ABLIM1: variants seen among roughly 807,000 people sequenced by gnomAD.
ABLIM1 encodes actin-binding LIM protein 1.
A neutral mutation model predicts 107.0 loss-of-function variants in ABLIM1; 40 were observed. The ratio of observed to expected loss-of-function variants is 0.37; its 90% CI spans 0.29 to 0.49. The LOEUF (loss-of-function observed/expected upper bound fraction) is 0.49. Ranked by LOEUF, ABLIM1 falls within the 20% of genes least tolerant of loss-of-function variation. The probability of loss-of-function intolerance (pLI) is 0.97; values close to 1 mark genes in which losing one functional copy is unlikely to be tolerated. For missense variants in ABLIM1, 857 were observed against 1,008.5 expected (o/e 0.85, Z 2.04); for synonymous variants, 357 against 357.3 (o/e 1.00, Z 0.01).
chr10:114,623,036 T>G (rs922306649), intron 1 of ABLIM1, among the ~76,000 whole-genome samples: 1 of 152,212 alleles, frequency 6.6e-6, no homozygotes, highest in East Asian at 1.9e-4. Flanking sequence ...CTCAGCTCAC[T>G]GCAACCTCTG....
At chr10:114,507,128 CAGAA>C (rs775201913) in intron 6 of ABLIM1, among the ~76,000 whole-genome samples, 5 of 152,180 alleles carry the variant, frequency 3.3e-5, no homozygotes, top group Admixed American at 6.5e-5. Context: ...TTGGAGCAGT[CAGAA>C]AAACACAGCT....
intron 12 of ABLIM1, among the ~76,000 whole-genome samples, chr10:114,461,139 C>T (rs373702807): frequency 5.9e-4 from 90 of 151,882 alleles, no homozygotes; most frequent in Middle Eastern, 3.4e-3. Context: ...TCTCAGCTCA[C>T]TGCAACCTCC....
chr10:114,644,785 T>G (rs918416859), intron 1 of ABLIM1, among the ~76,000 whole-genome samples: 1 of 152,158 alleles, frequency 6.6e-6, no homozygotes, highest in Non-Finnish European at 1.5e-5. Context: ...CCTTAAAAGA[T>G]AAAGTTAGGC....
At chr10:114,605,888 A>G (rs73362837) in intron 1 of ABLIM1, among the ~76,000 whole-genome samples, 8,363 of 152,230 alleles carry the variant, frequency 0.055, 757 homozygotes, top group African/African-American at 0.19. Context: ...ACTCCAGTGC[A>G]GGACAGAAAG....
chr10:114,791,482 C>G, the ABLIM1 span, among the ~76,000 whole-genome samples: 73 of 151,872 alleles, frequency 4.8e-4, no homozygotes, highest in Non-Finnish European at 9.0e-4. Flanking sequence ...ACTAAAAATA[C>G]AAAAAATTAG....
At chr10:114,445,186 C>T in intron 16 of ABLIM1, 126 bp downstream of exon 16, 1 of 805,984 alleles carries the variant, frequency 1.2e-6, no homozygotes, top group Admixed American at 2.2e-5. Flanking sequence ...TGCCAGATTT[C>T]AAGCCCCTTG....
intron 1 of ABLIM1, among the ~76,000 whole-genome samples, chr10:114,763,646 A>G (rs568479693): frequency 7.9e-5 from 12 of 152,134 alleles, no homozygotes; most frequent in Non-Finnish European, 1.5e-4. Context: ...GGCCTCCCAA[A>G]GTGCTGGGAT....
At chr10:114,637,717 A>G (rs1026844937) in intron 1 of ABLIM1, among the ~76,000 whole-genome samples, 2 of 152,196 alleles carry the variant, frequency 1.3e-5, no homozygotes, top group Non-Finnish European at 2.9e-5. Flanking sequence ...AAAATAAATC[A>G]TTTTCCTACA....
chr10:114,792,586 T>C, the ABLIM1 span, among the ~76,000 whole-genome samples: 1 of 152,232 alleles, frequency 6.6e-6, no homozygotes, highest in South Asian at 2.1e-4. Context: ...CCCTACCTCC[T>C]GCTGGCTGCT....
intron 1 of ABLIM1, among the ~76,000 whole-genome samples, chr10:114,620,188 T>TA (rs1003949764): frequency 3.3e-5 from 5 of 152,206 alleles, no homozygotes; most frequent in African/African-American, 1.2e-4. Context: ...CCGGCATACT[T>TA]AAAAAGTAGA....
At chr10:114,768,460 T>A (rs1233111885), upstream of ABLIM1, among the ~76,000 whole-genome samples, 1 of 151,856 alleles carries the variant, frequency 6.6e-6, no homozygotes, top group Non-Finnish European at 1.5e-5. Context: ...AAAAATAACG[T>A]GGGTGCTCCG....
At chr10:114,660,014 G>A (rs972872296), upstream of ABLIM1, among the ~76,000 whole-genome samples, 1 of 152,166 alleles carries the variant, frequency 6.6e-6, no homozygotes, top group African/African-American at 2.4e-5. Context: ...ATTATTCTAT[G>A]CCAATGTGAA....
chr10:114,743,603 C>T (rs890359014), intron 1 of ABLIM1, among the ~76,000 whole-genome samples: 5 of 152,154 alleles, frequency 3.3e-5, no homozygotes, highest in Non-Finnish European at 7.4e-5. Flanking sequence ...TCTTGAACCT[C>T]TAAAAATCAA....
At chr10:114,736,355 T>C (rs2082179953) in intron 1 of ABLIM1, among the ~76,000 whole-genome samples, 1 of 152,176 alleles carries the variant, frequency 6.6e-6, no homozygotes, top group African/African-American at 2.4e-5. Flanking sequence ...GGTTTGATTA[T>C]CAAGCCAATC....
chr10:114,661,562 T>A (rs1409588847), upstream of ABLIM1, among the ~76,000 whole-genome samples: 2 of 152,230 alleles, frequency 1.3e-5, no homozygotes, highest in African/African-American at 4.8e-5. Context: ...ACTGCTGCCT[T>A]CTGCCACAGC....
Position 114,441,729 on chromosome 10 carries a change from A to C in ABLIM1, c.1991T>G (p.Leu664Arg), listed in dbSNP as rs777414125. The C allele has an allele frequency of 1.2e-6, 2 of 1,613,706 alleles. No individual in the cohort carries two copies. Among genetic ancestry groups the C allele is most frequent in the South Asian group, 2.2e-5 (2 of 91,066 alleles). The change falls in exon 18 of 23, where the codon CTT (leucine) becomes CGT (arginine). Residue 664 changes from leucine to arginine, a missense_variant. Coordinates refer to ENST00000533213, the MANE Select transcript of ABLIM1 (RefSeq NM_002313.7). ...ASLPGYGRNG[L>R]HRPVSTDFAQ... ...ATCGGGGAGAAATCTTACCCGGTGA[A>C]GCCCATTTCTTCCATAGCCAGGGAG...
At chr10:114,680,945 T>C (rs753956059) in intron 1 of ABLIM1, among the ~76,000 whole-genome samples, 1 of 152,186 alleles carries the variant, frequency 6.6e-6, no homozygotes, top group Non-Finnish European at 1.5e-5. Context: ...ATGCCAAGTA[T>C]AGGGATGGCT....
chr10:114,632,044 T>G lies in ABLIM1; in HGVS notation c.244+25913A>C, dbSNP rs997005561. The G allele has an allele frequency of 9.5e-6, 12 of 1,262,670 alleles. No homozygotes were observed. In the South Asian group the frequency reaches 1.2e-4, roughly 13 times the overall value. The allele number at this position is 1,262,670 out of a possible 1,614,324, so 78.2% of individuals were successfully genotyped here. A position where few individuals can be genotyped will look rare whatever the true frequency, so the allele number is the denominator to read the frequency against. ...GCCAGGAGAAGCCCCGGCATCCGCT[T>G]GTGAGGTCCGGGGCTGTGGTCTCGA... On this transcript the variant is annotated intron_variant, in intron 1 of 22. Coordinates refer to ENST00000533213, the MANE Select transcript of ABLIM1 (RefSeq NM_002313.7).
intron 12 of ABLIM1, 110 bp from the exon 13 acceptor site, chr10:114,453,593 A>C: frequency 1.1e-6 from 1 of 882,350 alleles, no homozygotes; most frequent in Non-Finnish European, 1.7e-6. Flanking sequence ...GAGGTTCATC[A>C]AAAAGGAGAA....
Sources: allele counts gnomAD v4.1 joint callset (sites outside exome capture counted in the v4.1 genomes callset), GRCh38; gene constraint gnomAD v4.1.1; transcripts MANE v1.5; gene names NCBI Gene and HGNC (gene_info 2026-07-23, HGNC 2026-07-21).